Variants in TMC2 observed in about 807,000 individuals in gnomAD.
TMC2 encodes transmembrane channel like 2.
A neutral mutation model predicts 105.9 loss-of-function variants in TMC2; 102 were observed. The ratio of observed to expected loss-of-function variants is 0.96; its 90% confidence interval spans 0.82 to 1.14. The LOEUF (loss-of-function observed/expected upper bound fraction) is 1.14. Ranked by LOEUF, TMC2 falls within the 50% of genes most tolerant of loss-of-function variation. The pLI, the probability that TMC2 is intolerant of heterozygous loss-of-function variation, is 0.00. For synonymous variants in TMC2, 402 were observed against 422.8 expected (o/e 0.95, Z 0.60); for missense variants, 1,093 against 1,134.3 (o/e 0.96, Z 0.52).
At chr20:2,589,771 G>A (rs936134458) in intron 7 of TMC2, among the ~76,000 whole-genome samples, 4 of 152,102 alleles carry the variant, frequency 2.6e-5, no homozygotes, top group Non-Finnish European at 5.9e-5. Flanking sequence ...CCAGGTTCAC[G>A]CCATTCTCCT....
Position 2,592,508 on chromosome 20 carries a change from A to T in TMC2, c.933+100A>T. The T allele has an allele frequency of 1.2e-6, 1 of 851,164 alleles. No homozygotes were observed. Among genetic ancestry groups the T allele is most frequent in the Non-Finnish European group, 2.0e-6 (1 of 503,692 alleles). 52.7% of individuals were successfully genotyped at this position (851,164 alleles called of 1,614,324 possible). The stretch of plus-strand genomic sequence containing the variant: ...TAGTGCGTTTAATTATTGAAAAACC[A>T]TTGCTTTAATAGGATCCCAGCACTA... On this transcript the variant is annotated intron_variant, in intron 8 of 19. Transcript: ENST00000358864. This position sits in a 1 kb window ranked among gnomAD's most constrained non-coding sequence, Gnocchi z 4.9.
chr20:2,616,268 C>A lies in TMC2; in HGVS notation c.1940+64C>A. The A allele has an allele frequency of 1.5e-6, 2 of 1,370,198 alleles. No individual in the cohort carries two copies. Among genetic ancestry groups the A allele is most frequent in the Non-Finnish European group, 1.0e-6 (1 of 958,470 alleles). The allele number at this position is 1,370,198 out of a possible 1,614,324, so 84.9% of individuals were successfully genotyped here. ...GGAGTCAAAAAACTGGAATCCCAGA[C>A]TTTGCAACTTAACTAGTTGGAAGAG... On this transcript the variant is annotated intron_variant, in intron 15 of 19. Coordinates refer to ENST00000358864, the MANE Select transcript of TMC2 (RefSeq NM_080751.3). The surrounding 1 kb of genome is among the most constrained non-coding windows in gnomAD (Gnocchi z 4.8).
chr20:2,595,670 T>C (rs912796131), intron 9 of TMC2, among the ~76,000 whole-genome samples: 39 of 151,970 alleles, frequency 2.6e-4, no homozygotes, highest in African/African-American at 9.4e-4. Flanking sequence ...TGGCTGGGGG[T>C]CACGGAGTGG....
At chr20:2,596,277 G>A (rs1274922169) in intron 9 of TMC2, among the ~76,000 whole-genome samples, 3 of 152,160 alleles carry the variant, frequency 2.0e-5, no homozygotes. Flanking sequence ...TTGATTAAGA[G>A]AAGGATATAT....
chr20:2,565,636 G>A lies in TMC2; in HGVS notation c.554+3626G>A, dbSNP rs550372007. 1.1e-3 allele frequency among the ~76,000 whole-genome samples: 163 copies of A among 152,246 alleles called. 2 individuals carry two copies. In the South Asian group the frequency reaches 0.015, roughly 14 times the overall value. ...GAAAATAAAGTCTCCAGTTGCAGAC[G>A]GCATCCCCATACTACATCCTCTCTT... On this transcript the variant is annotated intron_variant, in intron 4 of 19. Transcript: ENST00000358864.
At chr20:2,561,100 T>C (rs369789013) in intron 3 of TMC2, among the ~76,000 whole-genome samples, 3 of 152,244 alleles carry the variant, frequency 2.0e-5, no homozygotes, top group East Asian at 3.9e-4. Flanking sequence ...TGAGTTGACA[T>C]AAGAGTTGGT....
rs1001127484 is a variant in TMC2, at chr20:2,580,639, G to A, written c.834+583G>A. ...ACTCTGTTGCCCAGGTTGGAGGGCA[G>A]TGATGTGATCGTGGTTCAGTGCAGC... On this transcript the variant is annotated intron_variant, in intron 7 of 19. Coordinates refer to ENST00000358864, the MANE Select transcript of TMC2 (RefSeq NM_080751.3). Among the ~76,000 whole-genome samples, 12 of 152,104 alleles carry A rather than the reference G, an allele frequency of 7.9e-5. 1 individual carries two copies. Among genetic ancestry groups the A allele is most frequent in the African/African-American group, 2.9e-4 (12 of 41,396 alleles).
chr20:2,634,600 T>A (rs1264951047), intron 17 of TMC2, among the ~76,000 whole-genome samples: 3 of 152,156 alleles, frequency 2.0e-5, no homozygotes, highest in African/African-American at 7.2e-5. Flanking sequence ...CAAGGAGAAA[T>A]GCTAAATTTG....
chr20:2,538,130 G>C (rs536424619), intron 2 of TMC2, among the ~76,000 whole-genome samples: 1 of 152,070 alleles, frequency 6.6e-6, no homozygotes, highest in Non-Finnish European at 1.5e-5. Flanking sequence ...GCTGGCCCCA[G>C]GAGCCACTTC....
rs555542917 is a variant in TMC2, at chr20:2,617,072, G to T, written c.1941G>T (p.Trp647Cys). The T allele has an allele frequency of 6.2e-7, 1 of 1,614,158 alleles. No homozygotes were observed. The highest frequency in any genetic ancestry group is 2.2e-5 in the East Asian group (1 of 44,884). Reference protein sequence around the residue: ...LGLIFNQGMIWMGSFYAPGLV... With the variant: ...LGLIFNQGMICMGSFYAPGLV... ...AGGTGTTTGGTTTCTGCCATTCCAGGATGGGCTCCTTCTATGCTCCAGGCC... is the reference window on the plus strand; with the variant it reads ...AGGTGTTTGGTTTCTGCCATTCCAGTATGGGCTCCTTCTATGCTCCAGGCC... The change falls in exon 16 of 20, where the codon TGG (tryptophan) becomes TGT (cysteine). Residue 647 changes from tryptophan to cysteine, a missense_variant and splice_region_variant. Physicochemically the swap from Trp to Cys is radical, Grantham distance 215. Coordinates refer to ENST00000358864, the MANE Select transcript of TMC2 (RefSeq NM_080751.3).
chr20:2,612,589 A>G (rs1014061937), intron 13 of TMC2, among the ~76,000 whole-genome samples: 2 of 152,222 alleles, frequency 1.3e-5, no homozygotes, highest in African/African-American at 2.4e-5. Context: ...TTCCAAAAAC[A>G]TAGTAAATTA....
Position 2,536,582 on chromosome 20 carries a change from C to T in TMC2, c.-40C>T. The T allele has an allele frequency of 3.9e-6, 6 of 1,557,416 alleles. No homozygotes were observed. Among genetic ancestry groups the T allele is most frequent in the Non-Finnish European group, 5.2e-6 (6 of 1,150,038 alleles). The stretch of plus-strand genomic sequence containing the variant: ...CTGAAGGCGTGCATACAGGAGCACG[C>T]TGCGTGAGCCTGTGCAGGACCCCAG... On this transcript the variant is annotated 5_prime_UTR_variant, in exon 1 of 20. Coordinates refer to ENST00000358864, the MANE Select transcript of TMC2 (RefSeq NM_080751.3).
chr20:2,637,735 T>C (rs2086658971), intron 19 of TMC2, 144 bp downstream of exon 19: 1 of 623,572 alleles, frequency 1.6e-6, no homozygotes, highest in African/African-American at 1.8e-5. Context: ...GGCAGGTGAA[T>C]ATAGGGGTCA....
chr20:2,625,337 A>T (rs2086556596), intron 17 of TMC2, among the ~76,000 whole-genome samples: 1 of 152,220 alleles, frequency 6.6e-6, no homozygotes, highest in Non-Finnish European at 1.5e-5. Context: ...CTTTCTTCGT[A>T]ATAGAAATAA....
At chr20:2,599,986 C>T (rs1217124114) in intron 10 of TMC2, among the ~76,000 whole-genome samples, 3 of 152,154 alleles carry the variant, frequency 2.0e-5, no homozygotes, top group Non-Finnish European at 4.4e-5. Flanking sequence ...CCCTAGAGCC[C>T]GGTGGGCTTT....
intron 3 of TMC2, among the ~76,000 whole-genome samples, chr20:2,560,706 G>T (rs1020643560): frequency 6.6e-6 from 1 of 152,046 alleles, no homozygotes; most frequent in Non-Finnish European, 1.5e-5. Context: ...GCGTGGTGGC[G>T]GGTGCCTGTA....
intron 5 of TMC2, among the ~76,000 whole-genome samples, chr20:2,577,432 C>T (rs115227081): frequency 0.021 from 3,187 of 152,262 alleles, 109 homozygotes; most frequent in African/African-American, 0.071. Flanking sequence ...TGCCAATCAC[C>T]ATATCCTTCC....
intron 17 of TMC2, among the ~76,000 whole-genome samples, chr20:2,624,683 C>T (rs576458410): frequency 1.3e-5 from 2 of 152,256 alleles, no homozygotes; most frequent in East Asian, 1.9e-4. Flanking sequence ...AGACCAGCTC[C>T]CAGCGTCATT....
At chr20:2,556,264 A>G (rs1274478222) in intron 2 of TMC2, among the ~76,000 whole-genome samples, 2 of 151,922 alleles carry the variant, frequency 1.3e-5, no homozygotes, top group South Asian at 4.2e-4. Context: ...AATTTTTAAT[A>G]GAGACGGGGT....
Sources: gnomAD v4.1 joint callset for allele counts (sites outside exome capture counted in the v4.1 genomes callset) on GRCh38, gnomAD v4.1.1 for gene constraint, Gnocchi (gnomAD v3.1) non-coding constraint, MANE v1.5 for transcripts, NCBI Gene and HGNC (gene_info 2026-07-23, HGNC 2026-07-21) for gene names.